The following CSMD3 variants were observed in gnomAD, a reference collection of about 807,000 sequenced individuals.
CSMD3 encodes the protein CUB and sushi domain-containing protein 3.
Under a neutral mutation model 435.2 loss-of-function variants are expected in CSMD3, and 177 were observed. The observed-to-expected ratio is 0.41, with a 90% CI of 0.36 to 0.46. The LOEUF (loss-of-function observed/expected upper bound fraction) is 0.46, where lower values mean the gene tolerates loss of function less well. CSMD3 is among the 20% of genes least tolerant of loss of function. The pLI, the probability that CSMD3 is intolerant of heterozygous loss-of-function variation, is 0.34. For synonymous variants in CSMD3, 1,656 were observed against 1,520.5 expected (o/e 1.09, Z -2.07); for missense variants, 4,265 against 4,504.6 (o/e 0.95, Z 1.52).
At chr8:113,227,662 G>C (rs2093042666) in intron 3 of CSMD3, among the ~76,000 whole-genome samples, 1 of 151,568 alleles carries the variant, frequency 6.6e-6, no homozygotes, top group African/African-American at 2.4e-5. Context: ...GGCAGTTCCT[G>C]CCTCTCTTGT....
At chr8:113,162,365 A>G (rs954085596) in intron 4 of CSMD3, among the ~76,000 whole-genome samples, 1 of 151,918 alleles carries the variant, frequency 6.6e-6, no homozygotes, top group African/African-American at 2.4e-5. Flanking sequence ...TGGGAGTTCG[A>G]GACCAGCCTG....
intron 5 of CSMD3, among the ~76,000 whole-genome samples, chr8:113,080,388 T>G (rs2089511920): frequency 6.6e-6 from 1 of 152,182 alleles, no homozygotes; most frequent in Non-Finnish European, 1.5e-5. Flanking sequence ...AATTCAATAA[T>G]TATTTCAATT....
intron 22 of CSMD3, among the ~76,000 whole-genome samples, chr8:112,599,079 G>A (rs1477647399): frequency 2.7e-5 from 4 of 148,212 alleles, no homozygotes; most frequent in African/African-American, 1.0e-4. Context: ...AGAGTGAACA[G>A]GCAACCTACA....
At chr8:113,416,236 G>A (rs2094581255) in intron 1 of CSMD3, among the ~76,000 whole-genome samples, 1 of 152,056 alleles carries the variant, frequency 6.6e-6, no homozygotes, top group Admixed American at 6.6e-5. Context: ...AAATAGGATA[G>A]ACTACTGTGT....
intron 5 of CSMD3, among the ~76,000 whole-genome samples, chr8:113,073,234 T>A (rs201745097): frequency 0.11 from 16,741 of 151,766 alleles, 989 homozygotes; most frequent in Middle Eastern, 0.18. Context: ...TGGGAGACAC[T>A]TTTTCATGGA....
At chr8:113,296,144 T>A (rs2093719733) in intron 2 of CSMD3, among the ~76,000 whole-genome samples, 1 of 151,546 alleles carries the variant, frequency 6.6e-6, no homozygotes, top group Non-Finnish European at 1.5e-5. Flanking sequence ...CTGGGGCCTG[T>A]TGTGGGGTTG....
intron 13 of CSMD3, among the ~76,000 whole-genome samples, chr8:112,784,641 A>T (rs1219348893): frequency 6.6e-6 from 1 of 152,008 alleles, no homozygotes; most frequent in Admixed American, 6.6e-5. Context: ...GAGCAACTAT[A>T]TGCCAAGAAA....
chr8:112,260,072 C>T (rs950868559), intron 61 of CSMD3, among the ~76,000 whole-genome samples: 2 of 152,082 alleles, frequency 1.3e-5, no homozygotes, highest in Non-Finnish European at 2.9e-5. Flanking sequence ...AGACTTAAGA[C>T]ACAGAATTTC....
chr8:113,337,635 A>AT (rs2094086750), intron 1 of CSMD3, among the ~76,000 whole-genome samples: 1 of 152,090 alleles, frequency 6.6e-6, no homozygotes, highest in African/African-American at 2.4e-5. Context: ...GATAAATTAG[A>AT]TTTTATCAAA....
intron 1 of CSMD3, among the ~76,000 whole-genome samples, chr8:113,334,754 AT>A (rs2094057941): frequency 6.6e-6 from 1 of 152,022 alleles, no homozygotes; most frequent in Non-Finnish European, 1.5e-5. Flanking sequence ...TTATAGGGCT[AT>A]TTGCAATATT....
intron 3 of CSMD3, among the ~76,000 whole-genome samples, chr8:113,191,141 A>C (rs537146962): frequency 6.6e-6 from 1 of 151,822 alleles, no homozygotes; most frequent in Non-Finnish European, 1.5e-5. Flanking sequence ...AACACCAGGA[A>C]CTTCCAGAGA....
chr8:113,144,657 C>G (rs2091630396), intron 4 of CSMD3, among the ~76,000 whole-genome samples: 1 of 151,404 alleles, frequency 6.6e-6, no homozygotes, highest in African/African-American at 2.4e-5. Context: ...TCTGTGCCCC[C>G]TAGTAAGCAA....
intron 3 of CSMD3, among the ~76,000 whole-genome samples, chr8:113,243,798 C>A (rs759204676): frequency 7.5e-4 from 114 of 152,234 alleles, no homozygotes; most frequent in Non-Finnish European, 1.4e-3. Flanking sequence ...CTTGATTTAA[C>A]CAACTACTGG....
chr8:113,342,585 C>T (rs1010913784), intron 1 of CSMD3, among the ~76,000 whole-genome samples: 6 of 152,090 alleles, frequency 3.9e-5, no homozygotes, highest in South Asian at 2.1e-4. Flanking sequence ...GTACCCTAGA[C>T]GTGACTCAAC....
chr8:112,333,673 C>CACACACAG (rs71566018), intron 45 of CSMD3, among the ~76,000 whole-genome samples: 5,044 of 99,404 alleles, frequency 0.051, 273 homozygotes, highest in African/African-American at 0.13. Flanking sequence ...GTCTCATACA[C>CACACACAG]ACACACACAC....
chr8:113,311,034 T>C (rs796264456), intron 2 of CSMD3: 4 of 152,116 alleles, frequency 2.6e-5, no homozygotes, highest in African/African-American at 9.6e-5. Flanking sequence ...GGACATACAA[T>C]ATCATATATG....
intron 20 of CSMD3, among the ~76,000 whole-genome samples, chr8:112,642,539 T>C (rs2074861549): frequency 6.6e-6 from 1 of 152,176 alleles, no homozygotes; most frequent in South Asian, 2.1e-4. Context: ...TTTAGATTTA[T>C]CCTTGTTAAG....
rs545528651 is a variant in CSMD3, at chr8:113,343,622, C to T, written c.179-28829G>A. Among the ~76,000 whole-genome samples the T allele has an allele frequency of 2.6e-5, 4 of 152,154 alleles. No individual in the cohort carries two copies. In the South Asian group the frequency reaches 8.3e-4, roughly 32 times the overall value. ...CACAAACTTATAGATTTAGAAAGGTCAGAATGATAAGCAACAAGCGAACCA... is the reference window on the plus strand; with the variant it reads ...CACAAACTTATAGATTTAGAAAGGTTAGAATGATAAGCAACAAGCGAACCA... On this transcript the variant is annotated intron_variant, in intron 1 of 70. Transcript: ENST00000297405.
chr8:112,515,595 G>A (rs1267262391), intron 28 of CSMD3, among the ~76,000 whole-genome samples: 2 of 152,068 alleles, frequency 1.3e-5, no homozygotes, highest in African/African-American at 4.8e-5. Context: ...GGTACATGAA[G>A]AACAATATGG....
Sources: allele counts gnomAD v4.1 joint callset (sites outside exome capture counted in the v4.1 genomes callset), GRCh38; gene constraint gnomAD v4.1.1; transcripts MANE v1.5; gene names NCBI Gene and HGNC (gene_info 2026-07-23, HGNC 2026-07-21).